Variants in PTPRO observed in about 807,000 individuals in gnomAD.
PTPRO encodes the protein receptor-type tyrosine-protein phosphatase O.
A neutral mutation model predicts 145.2 loss-of-function variants in PTPRO; 62 were observed. The observed-to-expected ratio is 0.43, with a 90% CI of 0.35 to 0.53. The LOEUF (loss-of-function observed/expected upper bound fraction) is 0.53, where lower values mean the gene tolerates loss of function less well. Among genes scored for constraint, PTPRO ranks in the 20% least tolerant of loss-of-function variants. The pLI is 0.01. For missense variants in PTPRO, 1,345 were observed against 1,482.7 expected, an observed-to-expected ratio of 0.91 and a Z score of 1.53; for synonymous variants, 565 against 514.7, an observed-to-expected ratio of 1.10 and a Z score of -1.32.
At position 15,371,716 on chromosome 12, in the gene PTPRO, T is replaced by C. The variant is rs187096743; in HGVS notation, c.75+48915T>C. On this transcript the variant is annotated intron_variant, in intron 1 of 26. Transcript: ENST00000281171. ...CCCACCCAAATCTCATCTTGAATTG[T>C]AATCCCCATAATCCCCATGTGTTAA... 1.4e-3 allele frequency among the ~76,000 whole-genome samples: 218 copies of C among 152,284 alleles called. 1 individual carries two copies. The highest frequency in any genetic ancestry group is 3.4e-3 in the Middle Eastern group (1 of 294).
At chr12:15,448,466 G>A (rs1360741960) in intron 1 of PTPRO, among the ~76,000 whole-genome samples, 2 of 149,950 alleles carry the variant, frequency 1.3e-5, no homozygotes, top group Non-Finnish European at 3.0e-5. Flanking sequence ...TTTGTTGGAT[G>A]TTTTCCATAA....
At chr12:15,527,290 G>C (rs1301766823) in intron 12 of PTPRO, among the ~76,000 whole-genome samples, 1 of 152,186 alleles carries the variant, frequency 6.6e-6, no homozygotes, top group Non-Finnish European at 1.5e-5. Context: ...GGCAACAAGT[G>C]TGCAGAAAAT....
intron 1 of PTPRO, among the ~76,000 whole-genome samples, chr12:15,408,664 G>A (rs775813093): frequency 6.6e-6 from 1 of 152,174 alleles, no homozygotes. Flanking sequence ...CTGACCTCAA[G>A]TGATCTGCCC....
intron 2 of PTPRO, 34 bp from the exon 3 acceptor site, chr12:15,497,211 C>A: frequency 1.3e-6 from 2 of 1,523,920 alleles, no homozygotes. Context: ...TCTCCTCTTT[C>A]TTTTCCCTTT....
At chr12:15,433,215 C>T (rs1272526471) in intron 1 of PTPRO, among the ~76,000 whole-genome samples, 1 of 149,200 alleles carries the variant, frequency 6.7e-6, no homozygotes, top group Non-Finnish European at 1.5e-5. Context: ...CACTCTGTCG[C>T]CCAGGCTGGA....
chr12:15,339,205 A>C (rs1261215202), intron 1 of PTPRO, among the ~76,000 whole-genome samples: 1 of 152,158 alleles, frequency 6.6e-6, no homozygotes, highest in African/African-American at 2.4e-5. Context: ...AACAGTTAAG[A>C]GCAGGTTAAG....
intron 1 of PTPRO, among the ~76,000 whole-genome samples, chr12:15,326,301 A>G (rs1247842641): frequency 2.0e-5 from 3 of 152,136 alleles, no homozygotes; most frequent in Non-Finnish European, 4.4e-5. Flanking sequence ...CCTTTAATAA[A>G]TCATATTGCC....
At chr12:15,366,959 G>T (rs1272316711) in intron 1 of PTPRO, among the ~76,000 whole-genome samples, 1 of 152,050 alleles carries the variant, frequency 6.6e-6, no homozygotes, top group Non-Finnish European at 1.5e-5. Flanking sequence ...AAAATGAAAG[G>T]TCACTCATTA....
intron 1 of PTPRO, among the ~76,000 whole-genome samples, chr12:15,395,512 T>C (rs1939311401): frequency 6.6e-6 from 1 of 151,896 alleles, no homozygotes; most frequent in African/African-American, 2.4e-5. Flanking sequence ...AGAATGTTAA[T>C]GATAAAAAAA....
rs1944692381 is a variant in PTPRO at position 15,598,012 on chromosome 12, CA to C, written c.*1940del. On this transcript the variant is annotated 3_prime_UTR_variant, in exon 27 of 27. Transcript: ENST00000281171. Reference sequence around the variant, plus strand: ...CTGCTCAGAGCATACAGAAGTTTTGCATCCTGGAACATTGCTTCCCATGAAA... The same window carrying C: ...CTGCTCAGAGCATACAGAAGTTTTGCTCCTGGAACATTGCTTCCCATGAAA... 6.6e-6 allele frequency among the ~76,000 whole-genome samples: 1 copy of C among 152,156 alleles called. No individual in the cohort carries two copies. The highest frequency in any genetic ancestry group is 1.5e-5 in the Non-Finnish European group (1 of 68,026).
chr12:15,534,773 C>A (rs1046562853), intron 12 of PTPRO, among the ~76,000 whole-genome samples: 1 of 152,110 alleles, frequency 6.6e-6, no homozygotes, highest in African/African-American at 2.4e-5. Context: ...AATAAACAGT[C>A]CGATTTACAT....
chr12:15,483,454 C>A (rs968068208), intron 1 of PTPRO, among the ~76,000 whole-genome samples: 14 of 152,240 alleles, frequency 9.2e-5, no homozygotes, highest in African/African-American at 3.4e-4. Flanking sequence ...TGACAAGGAT[C>A]AACACCAGTT....
chr12:15,357,683 G>A (rs1938039995), intron 1 of PTPRO, among the ~76,000 whole-genome samples: 1 of 151,402 alleles, frequency 6.6e-6, no homozygotes, highest in Non-Finnish European at 1.5e-5. Context: ...AAACCACAGT[G>A]AGATACCATC....
intron 10 of PTPRO, among the ~76,000 whole-genome samples, chr12:15,522,053 T>C (rs2136517795): frequency 6.6e-6 from 1 of 152,332 alleles, no homozygotes; most frequent in East Asian, 1.9e-4. Context: ...TGTCTCAGCA[T>C]ATTGACAGAG....
chr12:15,443,015 A>G (rs1940811167), intron 1 of PTPRO, among the ~76,000 whole-genome samples: 1 of 152,154 alleles, frequency 6.6e-6, no homozygotes, highest in African/African-American at 2.4e-5. Context: ...CAAATAGTCT[A>G]AGCAATCCTA....
At chr12:15,536,831 AT>A (rs923427203) in intron 12 of PTPRO, among the ~76,000 whole-genome samples, 3 of 152,192 alleles carry the variant, frequency 2.0e-5, no homozygotes, top group Admixed American at 1.3e-4. Context: ...CCGTGTGGAC[AT>A]TTTTGATAAA....
chr12:15,496,060 T>A (rs1264459059), intron 2 of PTPRO, among the ~76,000 whole-genome samples: 1 of 152,042 alleles, frequency 6.6e-6, no homozygotes, highest in Non-Finnish European at 1.5e-5. Flanking sequence ...TATAACTATA[T>A]GTGACTCAGA....
chr12:15,568,937 T>G (rs1943971956), intron 18 of PTPRO, among the ~76,000 whole-genome samples: 1 of 152,198 alleles, frequency 6.6e-6, no homozygotes, highest in South Asian at 2.1e-4. Flanking sequence ...AAGTTCTTTA[T>G]GTACTGTATG....
chr12:15,506,937 C>T (rs551397041), intron 6 of PTPRO, among the ~76,000 whole-genome samples: 134 of 152,236 alleles, frequency 8.8e-4, no homozygotes, highest in Middle Eastern at 3.4e-3. Flanking sequence ...GTGCAATTAT[C>T]GTATCTCCAA....
Sources: allele counts gnomAD v4.1 joint callset (sites outside exome capture counted in the v4.1 genomes callset), GRCh38; gene constraint gnomAD v4.1.1; transcripts MANE v1.5; gene names NCBI Gene and HGNC (gene_info 2026-07-23, HGNC 2026-07-21).